Variants in C20orf203 observed in about 807,000 individuals in gnomAD.
C20orf203 encodes chromosome 20 open reading frame 203.
Under a neutral mutation model 15.9 loss-of-function variants are expected in C20orf203, and 16 were observed. That is an observed-to-expected ratio of 1.01 (90% CI 0.68 to 1.53). The LOEUF is 1.53. Among genes scored for constraint, C20orf203 ranks in the 40% most tolerant of loss-of-function variants. The pLI is 0.00. For synonymous variants in C20orf203, 98 were observed against 97.2 expected (o/e 1.01, Z -0.05); for missense variants, 263 against 247.5 (o/e 1.06, Z -0.42).
intron 1 of C20orf203, among the ~76,000 whole-genome samples, chr20:32,672,582 A>G (rs1202391902): frequency 6.6e-6 from 1 of 151,642 alleles, no homozygotes; most frequent in Non-Finnish European, 1.5e-5. Context: ...CCAAAAAAAA[A>G]AAAATACTTC....
chr20:32,639,631 A>C (rs1982227974), intron 5 of C20orf203, among the ~76,000 whole-genome samples: 1 of 150,956 alleles, frequency 6.6e-6, no homozygotes, highest in Non-Finnish European at 1.5e-5. Flanking sequence ...AAATAGTAAA[A>C]AAAAAAAAAA....
chr20:32,668,551 G>A (rs12481232), intron 1 of C20orf203, among the ~76,000 whole-genome samples: 25 of 151,966 alleles, frequency 1.6e-4, no homozygotes, highest in South Asian at 4.2e-4. Context: ...GCTTGAACCC[G>A]GGAGGTGGAG....
intron 1 of C20orf203, among the ~76,000 whole-genome samples, chr20:32,668,715 A>T (rs987300624): frequency 6.6e-6 from 1 of 151,996 alleles, no homozygotes; most frequent in Non-Finnish European, 1.5e-5. Flanking sequence ...CCCAGCTACT[A>T]GGGAGGCTGA....
At chr20:32,654,372 G>A (rs1982707708) in intron 1 of C20orf203, among the ~76,000 whole-genome samples, 2 of 152,148 alleles carry the variant, frequency 1.3e-5, no homozygotes, top group Admixed American at 1.3e-4. Context: ...AAATACCAAT[G>A]TTCATAGATC....
chr20:32,654,080 GAA>G (rs71338449), intron 1 of C20orf203, among the ~76,000 whole-genome samples: 45,446 of 132,580 alleles, frequency 0.34, 7,291 homozygotes, highest in Middle Eastern at 0.43. Context: ...GTGATGGAGC[GAA>G]AAAAAAAAAA....
At chr20:32,643,625 CCACACACA>C (rs56325748) in intron 4 of C20orf203, among the ~76,000 whole-genome samples, 17,821 of 140,644 alleles carry the variant, frequency 0.13, 1,222 homozygotes, top group East Asian at 0.2. Context: ...CTTCCTGGAA[CCACACACA>C]CACACACACA....
intron 1 of C20orf203, among the ~76,000 whole-genome samples, chr20:32,662,782 A>G (rs1982920179): frequency 1.3e-5 from 2 of 150,632 alleles, no homozygotes; most frequent in Non-Finnish European, 3.0e-5. Flanking sequence ...CTTTGGGAAG[A>G]GGAGGCAGGA....
In C20orf203 at chr20:32,633,699, CACGTTTCCCTCT is replaced by C; in HGVS notation, c.*1859_*1870del. The C allele has an allele frequency of 3.6e-6, 1 of 277,614 alleles. No homozygotes were observed. The highest frequency in any genetic ancestry group is 6.7e-6 in the Non-Finnish European group (1 of 149,782). 17.2% of individuals were successfully genotyped at this position (277,614 alleles called of 1,614,324 possible). A position where few individuals can be genotyped will look rare whatever the true frequency, so the allele number is the denominator to read the frequency against. On this transcript the variant is annotated 3_prime_UTR_variant, in exon 6 of 6. Transcript: ENST00000608990. ...TGGACAGGGGCTCCAGAGCCCATGA[CACGTTTCCCTCT>C]TGTAGAAGGTCCTTGTCTGTAACCT...
chr20:32,652,316 C>T (rs1281131853), intron 1 of C20orf203, among the ~76,000 whole-genome samples: 6 of 103,750 alleles, frequency 5.8e-5, no homozygotes, highest in African/African-American at 2.0e-4. Flanking sequence ...GAGCAAGACT[C>T]CATCTCAAAA....
intron 5 of C20orf203, among the ~76,000 whole-genome samples, chr20:32,637,947 GGCGTGTGTGTGCGCCCATGTGTCTGT>G (rs1380007924): frequency 1.2e-4 from 18 of 151,902 alleles, no homozygotes; most frequent in South Asian, 8.3e-4. Flanking sequence ...TGCATGTATG[GGCGTGTGTGTGCGCCCATGTGTCTGT>G]GCGTGTGTGT....
chr20:32,642,631 C>T (rs770340275), intron 4 of C20orf203, among the ~76,000 whole-genome samples: 68 of 152,084 alleles, frequency 4.5e-4, no homozygotes, highest in Non-Finnish European at 8.5e-4. Context: ...GGGAGATTAG[C>T]AGGGAACCCA....
At chr20:32,639,737 T>C (rs1982231279) in intron 5 of C20orf203, among the ~76,000 whole-genome samples, 2 of 151,222 alleles carry the variant, frequency 1.3e-5, no homozygotes, top group African/African-American at 2.4e-5. Context: ...CCGAGCACCA[T>C]GGCCACCTCC....
At position 32,650,695 on chromosome 20, in the gene C20orf203, C is replaced by T; in HGVS notation, c.322G>A (p.Gly108Arg). Reference protein sequence around the residue: ...WVGGEGWGEVGGLRLSKVGRR... With the variant: ...WVGGEGWGEVRGLRLSKVGRR... ...CCCACCTTGCTGAGCCTGAGGCCTC[C>T]AACTTCCCCCCACCCCTCCCCACCA... is the stretch of plus-strand genomic sequence containing the variant. Residue 108 changes from glycine (G) to arginine (R), a missense_variant, in exon 4 of 6, where the codon GGA (glycine) becomes AGA (arginine). By Grantham distance (125) the Gly-to-Arg change is moderately radical. Transcript: ENST00000608990. 6.5e-7 allele frequency: 1 copy of T among 1,548,626 alleles called. No homozygotes were observed.
At chr20:32,665,960 C>CT (rs377584303) in intron 1 of C20orf203, among the ~76,000 whole-genome samples, 2 of 151,124 alleles carry the variant, frequency 1.3e-5, no homozygotes, top group African/African-American at 2.4e-5. Flanking sequence ...AACAAAACCA[C>CT]TTTTTTTAAA....
intron 1 of C20orf203, chr20:32,657,513 C>CA (rs1165455086): frequency 6.6e-6 from 1 of 151,176 alleles, no homozygotes; most frequent in Non-Finnish European, 1.5e-5. Flanking sequence ...ACAACAACAA[C>CA]AACAAAGGAG....
At chr20:32,636,756 A>G (rs1982149154) in intron 5 of C20orf203, among the ~76,000 whole-genome samples, 1 of 152,108 alleles carries the variant, frequency 6.6e-6, no homozygotes. Context: ...ATCCTCAGAG[A>G]AGTGGAGGAC....
chr20:32,666,002 G>A (rs1006733055), intron 1 of C20orf203, among the ~76,000 whole-genome samples: 9 of 151,322 alleles, frequency 5.9e-5, no homozygotes, highest in South Asian at 2.1e-4. Context: ...GTGTGCTGGC[G>A]CATGCCTGTA....
intron 1 of C20orf203, among the ~76,000 whole-genome samples, chr20:32,655,650 C>T (rs747840857): frequency 4.6e-5 from 7 of 151,888 alleles, no homozygotes; most frequent in South Asian, 2.1e-4. Context: ...AAAATTAGCC[C>T]GGCGTGGTGG....
Position 32,641,071 on chromosome 20 carries a change from C to T in C20orf203, c.*1178-384G>A, listed in dbSNP as rs6058775. 4.8e-3 allele frequency among the ~76,000 whole-genome samples: 738 copies of T among 152,184 alleles called. 5 individuals carry two copies. The highest frequency in any genetic ancestry group is 0.016 in the African/African-American group (674 of 41,514). On this transcript the variant is annotated intron_variant, in intron 4 of 5. Transcript: ENST00000608990. ...TGGTGGCTCATGCTTGTAATCCCAA[C>T]GCTTTGGGAGGCCGAGGTGGTCGGA...
Sources: gnomAD v4.1 joint callset for allele counts (sites outside exome capture counted in the v4.1 genomes callset) on GRCh38, gnomAD v4.1.1 for gene constraint, MANE v1.5 for transcripts, NCBI Gene and HGNC (gene_info 2026-07-23, HGNC 2026-07-21) for gene names.